Variants in RIN2 observed in about 807,000 individuals in gnomAD.
RIN2 encodes Ras and Rab interactor 2, also known as RAB5 interacting protein 2.
In RIN2, 36 loss-of-function variants were observed where a neutral mutation model predicts 78.0. The observed-to-expected ratio is 0.46, with a 90% CI of 0.35 to 0.61. The LOEUF (loss-of-function observed/expected upper bound fraction) is 0.61. Ranked by LOEUF, RIN2 falls within the 20% of genes least tolerant of loss-of-function variation. The pLI is 0.00. For synonymous variants in RIN2, 466 were observed against 466.8 expected (o/e 1.00, Z 0.02); for missense variants, 1,087 against 1,159.7 (o/e 0.94, Z 0.91).
chr20:19,894,759 C>T (rs1277450445), intron 3 of RIN2, among the ~76,000 whole-genome samples: 2 of 152,052 alleles, frequency 1.3e-5, no homozygotes, highest in African/African-American at 2.4e-5. Context: ...AGTTTAGGTT[C>T]TCATTCTTTC....
At chr20:19,977,559 A>C (rs992610877) in intron 9 of RIN2, among the ~76,000 whole-genome samples, 4 of 152,130 alleles carry the variant, frequency 2.6e-5, no homozygotes, top group Non-Finnish European at 5.9e-5. Flanking sequence ...GTCATCCCTT[A>C]AGGATTGGAG....
intron 3 of RIN2, among the ~76,000 whole-genome samples, chr20:19,930,211 G>A (rs2040388763): frequency 6.6e-6 from 1 of 152,138 alleles, no homozygotes; most frequent in African/African-American, 2.4e-5. Context: ...TTGGGGTCAT[G>A]GTGCCTTCCT....
intron 7 of RIN2, among the ~76,000 whole-genome samples, chr20:19,965,722 C>G (rs1413520394): frequency 6.6e-6 from 1 of 152,150 alleles, no homozygotes; most frequent in Admixed American, 6.5e-5. Context: ...AGCAATTCTC[C>G]CGACTCAGCC....
chr20:19,990,521 AT>A (rs1012445904), intron 10 of RIN2, among the ~76,000 whole-genome samples: 1 of 152,156 alleles, frequency 6.6e-6, no homozygotes, highest in Non-Finnish European at 1.5e-5. Flanking sequence ...GGGCAACAAG[AT>A]TTTTGTACCA....
chr20:19,842,595 C>T (rs547400781), intron 2 of RIN2, among the ~76,000 whole-genome samples: 1 of 151,742 alleles, frequency 6.6e-6, no homozygotes, highest in African/African-American at 2.4e-5. Context: ...CTGTTGAGAC[C>T]TACTGCTTAG....
chr20:19,806,670 G>A (rs1173158593), intron 2 of RIN2, among the ~76,000 whole-genome samples: 1 of 152,176 alleles, frequency 6.6e-6, no homozygotes, highest in East Asian at 1.9e-4. Flanking sequence ...GCTGAGGTGG[G>A]ATGATTGCCT....
intron 11 of RIN2, among the ~76,000 whole-genome samples, chr20:19,993,907 T>G (rs1471975305): frequency 6.6e-6 from 1 of 152,208 alleles, no homozygotes; most frequent in Non-Finnish European, 1.5e-5. Context: ...TCTTAGGGCT[T>G]TGGGGAAAAA....
At chr20:19,848,534 C>CAAAAAAAAAAAAAAAA (rs11352724) in intron 2 of RIN2, among the ~76,000 whole-genome samples, 9 of 52,834 alleles carry the variant, frequency 1.7e-4, no homozygotes, top group African/African-American at 5.1e-4. Context: ...GACTCCATCT[C>CAAAAAAAAAAAAAAAA]AAAAAAAAAA....
chr20:19,930,500 G>C (rs1225922124), intron 3 of RIN2, among the ~76,000 whole-genome samples: 1 of 152,190 alleles, frequency 6.6e-6, no homozygotes, highest in Non-Finnish European at 1.5e-5. Flanking sequence ...AGGCCATTTG[G>C]GGTTTTTATG....
chr20:19,963,100 G>A (rs1371768199), intron 6 of RIN2, among the ~76,000 whole-genome samples: 2 of 152,074 alleles, frequency 1.3e-5, no homozygotes, highest in African/African-American at 4.8e-5. Flanking sequence ...CCACCCTTCT[G>A]GGAGATAAGG....
chr20:19,878,574 TA>T (rs1284701181), intron 2 of RIN2, among the ~76,000 whole-genome samples: 3 of 152,182 alleles, frequency 2.0e-5, no homozygotes, highest in Non-Finnish European at 2.9e-5. Flanking sequence ...ATACTTTAGT[TA>T]ACAGTTTGTT....
chr20:19,944,157 T>A (rs2040993783), intron 4 of RIN2, among the ~76,000 whole-genome samples: 1 of 152,158 alleles, frequency 6.6e-6, no homozygotes. Flanking sequence ...TGTGTATGTC[T>A]TTAACACAAA....
intron 2 of RIN2, among the ~76,000 whole-genome samples, chr20:19,822,400 A>G (rs1400886396): frequency 6.6e-6 from 1 of 152,222 alleles, no homozygotes; most frequent in Non-Finnish European, 1.5e-5. Flanking sequence ...TCGACAGAAT[A>G]GATGGAAGAG....
At chr20:19,764,248 T>A (rs1429975731) in intron 1 of RIN2, among the ~76,000 whole-genome samples, 1 of 152,216 alleles carries the variant, frequency 6.6e-6, no homozygotes, top group Non-Finnish European at 1.5e-5. Flanking sequence ...AATACTGAAC[T>A]CCCCCATTGC....
intron 2 of RIN2, among the ~76,000 whole-genome samples, chr20:19,802,919 A>G (rs2035292080): frequency 6.6e-6 from 1 of 152,182 alleles, no homozygotes; most frequent in South Asian, 2.1e-4. Flanking sequence ...CTATACTCCA[A>G]GGAGCACAAC....
intron 1 of RIN2, among the ~76,000 whole-genome samples, chr20:19,790,071 G>A (rs1346254096): frequency 6.6e-6 from 1 of 152,118 alleles, no homozygotes; most frequent in East Asian, 1.9e-4. Flanking sequence ...ACCCAGAATT[G>A]AACAGAAGGC....
intron 5 of RIN2, among the ~76,000 whole-genome samples, chr20:19,958,299 T>C (rs2041621392): frequency 6.6e-6 from 1 of 152,266 alleles, no homozygotes; most frequent in Non-Finnish European, 1.5e-5. Flanking sequence ...CCTCACCTTC[T>C]GTGAAGCCTA....
At chr20:19,959,100 T>C (rs1231757809) in intron 5 of RIN2, among the ~76,000 whole-genome samples, 1 of 152,128 alleles carries the variant, frequency 6.6e-6, no homozygotes, top group Non-Finnish European at 1.5e-5. Context: ...TCACAACTAC[T>C]CAACTACACT....
intron 3 of RIN2, among the ~76,000 whole-genome samples, chr20:19,926,580 G>A (rs573604818): frequency 7.2e-5 from 11 of 152,128 alleles, no homozygotes; most frequent in Non-Finnish European, 1.5e-4. Context: ...GCACATGGTC[G>A]AGGGAACTGT....
Sources: allele counts gnomAD v4.1 joint callset (sites outside exome capture counted in the v4.1 genomes callset), GRCh38; gene constraint gnomAD v4.1.1; transcripts MANE v1.5; gene names NCBI Gene and HGNC (gene_info 2026-07-23, HGNC 2026-07-21).